The following PRELID2 variants were observed in gnomAD, a reference collection of about 807,000 sequenced individuals.
PRELID2 encodes PRELI domain-containing protein 2.
PRELID2 carries 25 observed loss-of-function variants against 28.4 expected under a neutral mutation model. The observed-to-expected ratio is 0.88, with a 90% CI of 0.64 to 1.23. The LOEUF (loss-of-function observed/expected upper bound fraction) is 1.23, where lower values mean the gene tolerates loss of function less well. Ranked by LOEUF, PRELID2 falls within the 50% of genes most tolerant of loss-of-function variation. PRELID2 has a pLI of 0.00. For missense variants in PRELID2, 201 were observed against 214.4 expected, an observed-to-expected ratio of 0.94 and a Z score of 0.39; for synonymous variants, 76 against 71.6, an observed-to-expected ratio of 1.06 and a Z score of -0.31.
In PRELID2 at chr5:145,794,392, A is replaced by G. The variant is rs571994461; in HGVS notation, c.474+2050T>C. 5.3e-5 allele frequency among the ~76,000 whole-genome samples: 8 copies of G among 152,302 alleles called. No individual in the cohort carries two copies. The South Asian group carries it at 1.7e-3, about 32-fold the overall frequency. ...CAAAGGGAGTAAGACCACAACACAA[A>G]TTCATCTAACAAACACAAGTATTAG... is the stretch of plus-strand genomic sequence containing the variant. On this transcript the variant is annotated intron_variant, in intron 5 of 6. Coordinates refer to ENST00000683046, the MANE Select transcript of PRELID2 (RefSeq NM_205846.3).
intron 1 of PRELID2, among the ~76,000 whole-genome samples, chr5:145,577,345 A>G (rs938222159): frequency 6.6e-6 from 1 of 152,152 alleles, no homozygotes; most frequent in Non-Finnish European, 1.5e-5. Flanking sequence ...AAATACACAG[A>G]AACAATTCAA....
At chr5:145,343,233 G>A in the PRELID2 span, among the ~76,000 whole-genome samples, 1 of 151,738 alleles carries the variant, frequency 6.6e-6, no homozygotes, top group African/African-American at 2.4e-5. Flanking sequence ...CTTTTTATTG[G>A]CACATCGAAC....
chr5:145,318,895 C>T, the PRELID2 span, among the ~76,000 whole-genome samples: 1 of 152,106 alleles, frequency 6.6e-6, no homozygotes, highest in South Asian at 2.1e-4. Context: ...GATTTTATTG[C>T]TGGATGGAGG....
At chr5:145,552,509 C>T (rs760445672) in intron 1 of PRELID2, among the ~76,000 whole-genome samples, 9 of 152,034 alleles carry the variant, frequency 5.9e-5, no homozygotes, top group South Asian at 4.2e-4. Context: ...CTGTCTCCCC[C>T]GCCTCACCTT....
the PRELID2 span, among the ~76,000 whole-genome samples, chr5:145,431,853 A>C: frequency 6.6e-6 from 1 of 152,188 alleles, no homozygotes; most frequent in Non-Finnish European, 1.5e-5. Context: ...TTAGAGAAAC[A>C]ATAGCAGATA....
intron 1 of PRELID2, among the ~76,000 whole-genome samples, chr5:145,661,101 C>T (rs995283254): frequency 2.8e-4 from 43 of 152,240 alleles, no homozygotes; most frequent in Non-Finnish European, 3.4e-4. Context: ...AATCTTACTG[C>T]TTAGGTTACA....
At chr5:145,692,522 G>A (rs1387723248) in intron 1 of PRELID2, among the ~76,000 whole-genome samples, 2 of 152,028 alleles carry the variant, frequency 1.3e-5, no homozygotes, top group East Asian at 1.9e-4. Flanking sequence ...ACACCAAGAG[G>A]TAAAAATGCT....
intron 1 of PRELID2, among the ~76,000 whole-genome samples, chr5:145,600,651 C>A (rs886834755): frequency 6.6e-6 from 1 of 151,900 alleles, no homozygotes; most frequent in Non-Finnish European, 1.5e-5. Flanking sequence ...TCGATTTAGA[C>A]TTCAAGTTTC....
At chr5:145,272,943 A>T in the PRELID2 span, among the ~76,000 whole-genome samples, 2 of 152,270 alleles carry the variant, frequency 1.3e-5, no homozygotes, top group African/African-American at 4.8e-5. Flanking sequence ...GAGTTTGAAC[A>T]GGCCCATGTT....
chr5:145,289,834 G>A, the PRELID2 span, among the ~76,000 whole-genome samples: 1 of 152,030 alleles, frequency 6.6e-6, no homozygotes, highest in African/African-American at 2.4e-5. Flanking sequence ...GTTTTAATTT[G>A]CATTTATCTA....
chr5:145,652,360 GC>G (rs2149671974), intron 1 of PRELID2, among the ~76,000 whole-genome samples: 1 of 152,310 alleles, frequency 6.6e-6, no homozygotes, highest in South Asian at 2.1e-4. Flanking sequence ...CCACAACCTA[GC>G]AAGGCAGGCC....
intron 1 of PRELID2, among the ~76,000 whole-genome samples, chr5:145,483,661 AT>A (rs1202483665): frequency 2.0e-5 from 3 of 152,222 alleles, no homozygotes; most frequent in African/African-American, 7.2e-5. Flanking sequence ...CAGGAACTAA[AT>A]CATAATCTAT....
At chr5:145,796,925 A>G (rs1035030659) in intron 4 of PRELID2, among the ~76,000 whole-genome samples, 10 of 152,136 alleles carry the variant, frequency 6.6e-5, no homozygotes, top group African/African-American at 2.4e-4. Flanking sequence ...ATGAGTTATC[A>G]CACATCACAG....
At chr5:145,374,981 G>A in the PRELID2 span, among the ~76,000 whole-genome samples, 16 of 152,094 alleles carry the variant, frequency 1.1e-4, no homozygotes, top group Admixed American at 2.6e-4. Flanking sequence ...ACCCTTCTTC[G>A]TTCAATTCAT....
chr5:145,577,275 T>C (rs758428867), intron 1 of PRELID2, among the ~76,000 whole-genome samples: 1 of 152,110 alleles, frequency 6.6e-6, no homozygotes, highest in Non-Finnish European at 1.5e-5. Flanking sequence ...TGGAGATGCA[T>C]GAACTACCTA....
At chr5:145,710,041 C>G (rs1217356742) in intron 1 of PRELID2, among the ~76,000 whole-genome samples, 1 of 152,080 alleles carries the variant, frequency 6.6e-6, no homozygotes, top group African/African-American at 2.4e-5. Context: ...TCTTGCCAAT[C>G]TATTTCAGAA....
the PRELID2 span, among the ~76,000 whole-genome samples, chr5:145,380,445 C>T: frequency 6.6e-6 from 1 of 152,146 alleles, no homozygotes; most frequent in Non-Finnish European, 1.5e-5. Flanking sequence ...GCCACCTTGT[C>T]CTCCTCCAAA....
chr5:145,825,201 C>T (rs186858), intron 1 of PRELID2, among the ~76,000 whole-genome samples: 2 of 116,872 alleles, frequency 1.7e-5, no homozygotes, highest in Admixed American at 1.2e-4. Flanking sequence ...ACTCCAGCCT[C>T]GGTGATAGAG....
chr5:145,359,906 A>G, the PRELID2 span, among the ~76,000 whole-genome samples: 1 of 152,204 alleles, frequency 6.6e-6, no homozygotes, highest in South Asian at 2.1e-4. Context: ...AATTTTAAGC[A>G]TGTTCACAGT....
Sources: gnomAD v4.1 joint callset for allele counts (sites outside exome capture counted in the v4.1 genomes callset) on GRCh38, gnomAD v4.1.1 for gene constraint, MANE v1.5 for transcripts, NCBI Gene and HGNC (gene_info 2026-07-23, HGNC 2026-07-21) for gene names.